SMARCAD1: variants seen among roughly 807,000 people sequenced by gnomAD.
SMARCAD1 encodes the protein SNF2 related chromatin remodeling ATPase with DExD box 1.
SMARCAD1 carries 25 observed loss-of-function variants against 127.1 expected under a neutral mutation model. That is an observed-to-expected ratio of 0.20 (90% CI 0.14 to 0.27). SMARCAD1 has a LOEUF of 0.27. SMARCAD1 is among the 10% of genes least tolerant of loss of function. SMARCAD1 has a pLI of 1.00. For synonymous variants in SMARCAD1, 400 were observed against 396.9 expected (o/e 1.01, Z -0.09); for missense variants, 807 against 1,206.0 (o/e 0.67, Z 4.90).
At chr4:94,287,055 G>T (rs1368442994) in intron 23 of SMARCAD1, among the ~76,000 whole-genome samples, 2 of 152,132 alleles carry the variant, frequency 1.3e-5, no homozygotes, top group Admixed American at 6.6e-5. Context: ...TAGTAGAGAC[G>T]GGGTTTCACC....
chr4:94,242,027 C>CT (rs921023830), intron 6 of SMARCAD1, among the ~76,000 whole-genome samples: 16 of 150,946 alleles, frequency 1.1e-4, no homozygotes, highest in South Asian at 6.3e-4. Flanking sequence ...AGGATAACTT[C>CT]TTTTTTTTTG....
At position 94,268,316 on chromosome 4, in the gene SMARCAD1, A is replaced by G. The variant is rs370829707; in HGVS notation, c.1482-2412A>G. ...TTATAGTGAGTATTTTGACAGTTAA[A>G]TAGACTCTTTTCCCAATGTGTGTTG... On this transcript the variant is annotated intron_variant, in intron 10 of 23. Transcript: ENST00000354268. 7.2e-5 allele frequency among the ~76,000 whole-genome samples: 11 copies of G among 152,258 alleles called. No homozygotes were observed. The South Asian group carries it at 1.2e-3, about 17-fold the overall frequency.
intron 6 of SMARCAD1, among the ~76,000 whole-genome samples, chr4:94,246,525 A>G (rs943450026): frequency 6.6e-6 from 1 of 152,186 alleles, no homozygotes. Context: ...TGTCCAGTCT[A>G]AAGAGGCAGA....
In SMARCAD1 at chr4:94,240,039, T is replaced by C. The variant is rs575494514; in HGVS notation, c.605-867T>C. Among the ~76,000 whole-genome samples the C allele has an allele frequency of 2.6e-5, 4 of 152,346 alleles. No individual in the cohort carries two copies. In the South Asian group the frequency reaches 8.3e-4, roughly 32 times the overall value. The stretch of plus-strand genomic sequence containing the variant: ...TAAAATGTTAATAACATTCCATTTT[T>C]ATTTTGTAATAGCCATGTTAATGAA... On this transcript the variant is annotated intron_variant, in intron 5 of 23. Coordinates refer to ENST00000354268, the MANE Select transcript of SMARCAD1 (RefSeq NM_020159.5).
At chr4:94,277,213 C>T in intron 16 of SMARCAD1, 54 bp downstream of exon 16, 2 of 1,593,568 alleles carry the variant, frequency 1.3e-6, no homozygotes, top group Non-Finnish European at 1.7e-6. Context: ...TTTATCTGGG[C>T]CATTCTTCTG....
At chr4:94,244,050 G>C (rs536966365) in intron 6 of SMARCAD1, among the ~76,000 whole-genome samples, 1 of 152,222 alleles carries the variant, frequency 6.6e-6, no homozygotes. Flanking sequence ...AAAAGTGTAT[G>C]TATGGCTGGA....
Position 94,250,840 on chromosome 4 carries a change from A to T in SMARCAD1, c.889+7A>T. On this transcript the variant is annotated splice_region_variant and intron_variant, in intron 8 of 23. Coordinates refer to ENST00000354268, the MANE Select transcript of SMARCAD1 (RefSeq NM_020159.5). ...GTGTTTGCAGAAGACCAAGGTAATT[A>T]TTCTGGGTCATAGAAAATACATACT... 1 of 1,599,472 alleles carries T rather than the reference A, an allele frequency of 6.3e-7. No homozygotes were observed. The highest frequency in any genetic ancestry group is 8.6e-7 in the Non-Finnish European group (1 of 1,167,232).
At position 94,290,680 on chromosome 4, in the gene SMARCAD1, TA is replaced by T. The variant is rs1401977658; in HGVS notation, c.*1149del. ...GTCTATTTGATATTTAACTCTTTAT[TA>T]AATCTTTCTTTAAATTTCTGCCTGT... On this transcript the variant is annotated 3_prime_UTR_variant, in exon 24 of 24. Coordinates refer to ENST00000354268, the MANE Select transcript of SMARCAD1 (RefSeq NM_020159.5). 3 of 445,844 alleles carry T rather than the reference TA, an allele frequency of 6.7e-6. No homozygotes were observed. The East Asian group carries it at 2.1e-4, about 31-fold the overall frequency. The allele number at this position is 445,844 out of a possible 1,614,324, so 27.6% of individuals were successfully genotyped here. A position where few individuals can be genotyped will look rare whatever the true frequency, so the allele number is the denominator to read the frequency against.
At chr4:94,283,442 C>A in intron 22 of SMARCAD1, 139 bp downstream of exon 22, 1 of 735,138 alleles carries the variant, frequency 1.4e-6, no homozygotes, top group Non-Finnish European at 2.4e-6. Flanking sequence ...TTTATACCAG[C>A]AGTGTTGAAC....
rs748830361 is a variant in SMARCAD1 at position 94,236,993 on chromosome 4, T to A, written c.579T>A (p.Ala193=). 1 of 1,613,580 alleles carries A rather than the reference T, an allele frequency of 6.2e-7. No individual in the cohort carries two copies. The highest frequency in any genetic ancestry group is 8.5e-7 in the Non-Finnish European group (1 of 1,179,700). The change falls in exon 5 of 24, where the codon GCT becomes GCA. Residue 193 remains alanine, a synonymous_variant. Coordinates refer to ENST00000354268, the MANE Select transcript of SMARCAD1 (RefSeq NM_020159.5). ...STSTMDGAIA[A]ALLMFGDAGG... is the part of the protein sequence containing the mutation. ...GCACTATGGATGGAGCAATTGCTGC[T>A]GCCTTGCTGATGTTTGGTGATGCAG...
chr4:94,236,967 A>G lies in SMARCAD1; in HGVS notation c.553A>G (p.Ser185Gly). Residue 185 changes from serine (S) to glycine (G), a missense_variant, in exon 5 of 24, where the codon AGC becomes GGC. Coordinates refer to ENST00000354268, the MANE Select transcript of SMARCAD1 (RefSeq NM_020159.5). ...GTTCTGTTAGTTGATTGAATCAACA[A>G]GCACTATGGATGGAGCAATTGCTGC... is the stretch of plus-strand genomic sequence containing the variant. ...NDLLKLIEST[S>G]TMDGAIAAAL... 1 of 1,613,406 alleles carries G rather than the reference A, an allele frequency of 6.2e-7. No homozygotes were observed. Among genetic ancestry groups the G allele is most frequent in the African/African-American group, 1.3e-5 (1 of 75,036 alleles).
At chr4:94,263,403 T>C (rs1042253357) in intron 9 of SMARCAD1, among the ~76,000 whole-genome samples, 11 of 152,006 alleles carry the variant, frequency 7.2e-5, no homozygotes, top group African/African-American at 2.7e-4. Context: ...AAGCACAAAG[T>C]AGGGGGAGTA....
intron 23 of SMARCAD1, among the ~76,000 whole-genome samples, chr4:94,288,891 CAAAT>C (rs757186145): frequency 9.2e-5 from 14 of 152,062 alleles, no homozygotes; most frequent in Non-Finnish European, 1.8e-4. Flanking sequence ...TAGAAAATCT[CAAAT>C]AATTCCTGTA....
chr4:94,279,378 G>A (rs987182718), intron 19 of SMARCAD1, among the ~76,000 whole-genome samples: 55 of 152,162 alleles, frequency 3.6e-4, no homozygotes, highest in African/African-American at 1.2e-3. Context: ...GAGCTCAAGC[G>A]ATTCGCCCGC....
At chr4:94,216,246 C>T (rs556636805) in intron 2 of SMARCAD1, among the ~76,000 whole-genome samples, 125 of 152,150 alleles carry the variant, frequency 8.2e-4, no homozygotes, top group Admixed American at 1.0e-3. Context: ...AATACCATTA[C>T]CATAATGGTT....
chr4:94,289,702 A>C lies in SMARCAD1; in HGVS notation c.*168A>C, dbSNP rs1357313417. On this transcript the variant is annotated 3_prime_UTR_variant, in exon 24 of 24. Coordinates refer to ENST00000354268, the MANE Select transcript of SMARCAD1 (RefSeq NM_020159.5). ...TTTTTGCCACTAACTGAATTCTCCAAATACTCACACGTGAAATTTCAAAAA... is the reference window on the plus strand; with the variant it reads ...TTTTTGCCACTAACTGAATTCTCCACATACTCACACGTGAAATTTCAAAAA... The C allele has an allele frequency of 4.1e-6, 3 of 724,806 alleles. No individual in the cohort carries two copies. The highest frequency in any genetic ancestry group is 2.9e-5 in the South Asian group (2 of 68,976). The allele number at this position is 724,806 out of a possible 1,614,324, so 44.9% of individuals were successfully genotyped here. A position where few individuals can be genotyped will look rare whatever the true frequency, so the allele number is the denominator to read the frequency against.
rs772288996 is a variant in SMARCAD1 at position 94,289,727 on chromosome 4, AAG to A, written c.*195_*196del. On this transcript the variant is annotated 3_prime_UTR_variant, in exon 24 of 24. Transcript: ENST00000354268. ...AATACTCACACGTGAAATTTCAAAAAAGAAGCCACAAATATGTAGTTCTGAAG... is the reference window on the plus strand; with the variant it reads ...AATACTCACACGTGAAATTTCAAAAAAAGCCACAAATATGTAGTTCTGAAG... 58 of 683,406 alleles carry A rather than the reference AAG, an allele frequency of 8.5e-5. 1 individual carries two copies. Among genetic ancestry groups the A allele is most frequent in the African/African-American group, 6.9e-4 (39 of 56,524 alleles). The allele number at this position is 683,406 out of a possible 1,614,324, so 42.3% of individuals were successfully genotyped here. A position where few individuals can be genotyped will look rare whatever the true frequency, so the allele number is the denominator to read the frequency against.
rs1755275430 is a variant in SMARCAD1 at position 94,288,542 on chromosome 4, G to A, written c.3020-931G>A. Among the ~76,000 whole-genome samples, 4 of 152,046 alleles carry A rather than the reference G, an allele frequency of 2.6e-5. No homozygotes were observed. In the South Asian group the frequency reaches 8.3e-4, roughly 32 times the overall value. On this transcript the variant is annotated intron_variant, in intron 23 of 23. Coordinates refer to ENST00000354268, the MANE Select transcript of SMARCAD1 (RefSeq NM_020159.5). ...CCTAAGAGTTGATGTACTATTTTGT[G>A]TTCCTGTGGATATATGTGTTTTGTT...
intron 4 of SMARCAD1, among the ~76,000 whole-genome samples, chr4:94,234,792 G>A (rs994101268): frequency 6.6e-6 from 1 of 152,126 alleles, no homozygotes; most frequent in Non-Finnish European, 1.5e-5. Context: ...TTTCACCTTT[G>A]TATCTGTCTT....
Sources: gnomAD v4.1 joint callset for allele counts (sites outside exome capture counted in the v4.1 genomes callset) on GRCh38, gnomAD v4.1.1 for gene constraint, MANE v1.5 for transcripts, NCBI Gene and HGNC (gene_info 2026-07-23, HGNC 2026-07-21) for gene names.